TTC12: variants seen among roughly 807,000 people sequenced by gnomAD.
The protein encoded by TTC12 is tetratricopeptide repeat protein 12.
Under a neutral mutation model 90.1 loss-of-function variants are expected in TTC12, and 70 were observed. The ratio of observed to expected loss-of-function variants is 0.78; its 90% CI spans 0.64 to 0.95. The LOEUF (loss-of-function observed/expected upper bound fraction) is 0.95. Among genes scored for constraint, TTC12 ranks in the 40% least tolerant of loss-of-function variants. TTC12 has a pLI of 0.00. For synonymous variants in TTC12, 296 were observed against 311.5 expected (o/e 0.95, Z 0.53); for missense variants, 819 against 846.1 (o/e 0.97, Z 0.40).
chr11:113,325,791 T>A, intron 6 of TTC12, 146 bp downstream of exon 6: 2 of 992,128 alleles, frequency 2.0e-6, no homozygotes, highest in Non-Finnish European at 2.9e-6. Context: ...AGCTGACTTA[T>A]ACACAGCATT....
chr11:113,338,659 A>T, intron 8 of TTC12, 115 bp from the exon 9 acceptor site: 1 of 726,420 alleles, frequency 1.4e-6, no homozygotes, highest in Non-Finnish European at 2.4e-6. Context: ...CTGCACTGGG[A>T]GCAGGAGGAG....
intron 7 of TTC12, among the ~76,000 whole-genome samples, 159 bp downstream of exon 7, chr11:113,330,138 C>T (rs571639756): frequency 4.7e-4 from 72 of 152,282 alleles, no homozygotes; most frequent in Non-Finnish European, 8.5e-4. Flanking sequence ...AGGAGGGTCA[C>T]GACAATGCAC....
intron 12 of TTC12, 80 bp downstream of exon 12, chr11:113,342,005 A>C (rs1948713828): frequency 4.1e-6 from 5 of 1,227,870 alleles, no homozygotes. Context: ...TGTCCTCCCC[A>C]AAGGCCAGGC....
In TTC12 at chr11:113,331,137, T is replaced by C. The variant is rs370901297; in HGVS notation, c.504+1158T>C. Among the ~76,000 whole-genome samples the C allele has an allele frequency of 8.7e-4, 133 of 152,338 alleles. 3 individuals are homozygous for C. In the South Asian group the frequency reaches 0.027, roughly 31 times the overall value. ...ACACTGACATCTGGAGTATCCAATT[T>C]CTTTATCCCTTAGAAGATAAAATGT... On this transcript the variant is annotated intron_variant, in intron 7 of 21. Coordinates refer to ENST00000529221, the MANE Select transcript of TTC12 (RefSeq NM_017868.4).
intron 13 of TTC12, among the ~76,000 whole-genome samples, chr11:113,348,243 A>T (rs1334709885): frequency 6.6e-6 from 1 of 152,230 alleles, no homozygotes; most frequent in Non-Finnish European, 1.5e-5. Context: ...CTGTCTTCAC[A>T]GAGGGTATCT....
At chr11:113,329,064 C>T (rs1179913985) in intron 6 of TTC12, among the ~76,000 whole-genome samples, 1 of 152,168 alleles carries the variant, frequency 6.6e-6, no homozygotes, top group African/African-American at 2.4e-5. Context: ...TGCCTTTTGA[C>T]TATCATGAAT....
rs950177313 is a variant in TTC12, at chr11:113,347,365, A to G, written c.1155-2708A>G. 2.0e-5 allele frequency among the ~76,000 whole-genome samples: 3 copies of G among 152,152 alleles called. No individual in the cohort carries two copies. The East Asian group carries it at 5.8e-4, about 29-fold the overall frequency. ...CTGCGTACCCCCATACAGCCTGTGC[A>G]TGGTGCCCTCCAGGGGAGATGCCAG... On this transcript the variant is annotated intron_variant, in intron 13 of 21. Coordinates refer to ENST00000529221, the MANE Select transcript of TTC12 (RefSeq NM_017868.4).
intron 7 of TTC12, among the ~76,000 whole-genome samples, chr11:113,333,016 T>G (rs868924967): frequency 2.0e-5 from 3 of 152,294 alleles, no homozygotes; most frequent in Middle Eastern, 3.4e-3. Flanking sequence ...GCCCTTGTTC[T>G]AAGTGATTGT....
chr11:113,349,713 A>T (rs1181955019), intron 13 of TTC12, among the ~76,000 whole-genome samples: 1 of 152,210 alleles, frequency 6.6e-6, no homozygotes, highest in Non-Finnish European at 1.5e-5. Flanking sequence ...CACTTTAGTC[A>T]TCAGCAGATT....
At chr11:113,359,509 A>G in intron 17 of TTC12, 48 bp downstream of exon 17, 1 of 1,281,794 alleles carries the variant, frequency 7.8e-7, no homozygotes, top group Non-Finnish European at 1.1e-6. Context: ...CAACCTGTAC[A>G]CATTCTGTGG....
rs182085716 is a variant in TTC12, at chr11:113,339,345, G to A, written c.697G>A (p.Glu233Lys). ...KADLQEKEAH[E>K]LLDSGKNTAV... ...AGACCTTCAAGAAAAGGAAGCCCAC[G>A]AACTGCTGGATTCAGGAAAGAACAC... Residue 233 changes from glutamate (E) to lysine (K), a missense_variant, in exon 10 of 22, where the codon GAA (glutamate) becomes AAA (lysine). Physicochemically the swap from Glu to Lys is moderately conservative, Grantham distance 56 (BLOSUM62 1). Transcript: ENST00000529221. The A allele has an allele frequency of 3.0e-5, 48 of 1,613,460 alleles. No individual in the cohort carries two copies. The highest frequency in any genetic ancestry group is 4.0e-5 in the African/African-American group (3 of 74,876).
intron 13 of TTC12, among the ~76,000 whole-genome samples, chr11:113,349,032 C>T (rs1400300377): frequency 2.0e-5 from 3 of 152,274 alleles, no homozygotes; most frequent in Non-Finnish European, 4.4e-5. Context: ...TGCAAGCTGC[C>T]TGGAGCCAGG....
At chr11:113,338,080 TG>T (rs1206614404) in intron 8 of TTC12, among the ~76,000 whole-genome samples, 1 of 152,156 alleles carries the variant, frequency 6.6e-6, no homozygotes, top group Non-Finnish European at 1.5e-5. Flanking sequence ...TTGTTGTTGT[TG>T]TTGTTGTTGT....
chr11:113,373,250 T>C (rs1950430984), exon 22 of TTC12: 13 of 984,938 alleles, frequency 1.3e-5, no homozygotes, highest in Non-Finnish European at 1.6e-5. Context: ...AAGGCTTGTG[T>C]GGTGCTGCCT....
At position 113,316,316 on chromosome 11, in the gene TTC12, G is replaced by T. The variant is rs1591501507; in HGVS notation, c.58+1G>T. The T allele has an allele frequency of 3.7e-6, 5 of 1,368,482 alleles. No homozygotes were observed. The Admixed American group carries it at 7.4e-5, about 20-fold the overall frequency. The allele number at this position is 1,368,482 out of a possible 1,614,324, so 84.8% of individuals were successfully genotyped here. A position where few individuals can be genotyped will look rare whatever the true frequency, so the allele number is the denominator to read the frequency against. ...TTTCTTAAAAATGTGGATGAAATCTGTAAGTACTAGTAAATCATAAATTAA... is the reference window on the plus strand; with the variant it reads ...TTTCTTAAAAATGTGGATGAAATCTTTAAGTACTAGTAAATCATAAATTAA... On this transcript the variant is annotated splice_donor_variant, in intron 2 of 21. Coordinates refer to ENST00000529221, the MANE Select transcript of TTC12 (RefSeq NM_017868.4). LOFTEE classifies it high-confidence loss of function.
At chr11:113,340,039 G>T (rs376419945) in intron 10 of TTC12, among the ~76,000 whole-genome samples, 2 of 152,214 alleles carry the variant, frequency 1.3e-5, no homozygotes, top group African/African-American at 2.4e-5. Flanking sequence ...CCCAGTTACA[G>T]TTAATGGCTG....
At chr11:113,341,785 A>G (rs1948700064) in intron 11 of TTC12, 52 bp from the exon 12 acceptor site, 4 of 1,416,044 alleles carry the variant, frequency 2.8e-6, no homozygotes, top group Non-Finnish European at 4.0e-6. Context: ...TGGAAAAGAA[A>G]ATCAAGACTG....
At chr11:113,345,676 C>T (rs782714857) in intron 13 of TTC12, among the ~76,000 whole-genome samples, 9 of 152,338 alleles carry the variant, frequency 5.9e-5, no homozygotes, top group Non-Finnish European at 1.2e-4. Flanking sequence ...TCAGCCTGCA[C>T]GGCAGATGCA....
chr11:113,352,154 C>T lies in TTC12; in HGVS notation c.1393C>T (p.Arg465Ter), dbSNP rs782642031. ...MGNLSAEPTTRRHMAACEEFG... is the reference protein window; with the variant it reads ...MGNLSAEPTT ...AAACCTCAGTGCTGAGCCCACTACC[C>T]GAAGACACATGGCGGCCTGTGAGGA... Residue 465 changes from arginine (R) to a stop codon, truncating the protein, a stop_gained, in exon 16 of 22, where the codon CGA becomes TGA. Coordinates refer to ENST00000529221, the MANE Select transcript of TTC12 (RefSeq NM_017868.4). LOFTEE classifies it high-confidence loss of function. 3.7e-6 allele frequency: 6 copies of T among 1,614,112 alleles called. No individual in the cohort carries two copies. Among genetic ancestry groups the T allele is most frequent in the Non-Finnish European group, 5.1e-6 (6 of 1,180,048 alleles).
Sources: gnomAD v4.1 joint callset for allele counts (sites outside exome capture counted in the v4.1 genomes callset) on GRCh38, gnomAD v4.1.1 for gene constraint, MANE v1.5 for transcripts, NCBI Gene and HGNC (gene_info 2026-07-23, HGNC 2026-07-21) for gene names.